The following LRCH2 variants were observed in gnomAD, a reference collection of about 807,000 sequenced individuals.
LRCH2 encodes leucine-rich repeat and calponin homology domain-containing protein 2.
Under a neutral mutation model 68.9 loss-of-function variants are expected in LRCH2, and 38 were observed. The ratio of observed to expected loss-of-function variants is 0.55; its 90% CI spans 0.43 to 0.72. The LOEUF (loss-of-function observed/expected upper bound fraction) is 0.72, where lower values mean the gene tolerates loss of function less well. Ranked by LOEUF, LRCH2 falls within the 30% of genes least tolerant of loss-of-function variation. The pLI is 0.00. For missense variants in LRCH2, 528 were observed against 572.9 expected (o/e 0.92, Z 0.80); for synonymous variants, 191 against 208.1 (o/e 0.92, Z 0.71).
intron 1 of LRCH2, among the ~76,000 whole-genome samples, chrX:115,218,057 C>T (rs1556572189): frequency 9.0e-6 from 1 of 111,393 alleles, no homozygotes; most frequent in Non-Finnish European, 1.9e-5. Flanking sequence ...ATATCCTTCG[C>T]TCAGTTTTTG....
intron 11 of LRCH2, among the ~76,000 whole-genome samples, chrX:115,157,153 A>G (rs782198594): frequency 2.7e-5 from 3 of 111,309 alleles, no homozygotes; most frequent in Non-Finnish European, 5.7e-5. Flanking sequence ...AAAACCATTC[A>G]AAGAAAACCA....
rs1260198525 is a variant in LRCH2, at chrX:115,110,994, C to T, written c.*2222G>A. ...CAAGTAATGAAAATCATTCTTAATT[C>T]AATAACTGATGAAATAGATAATAGC... is the stretch of plus-strand genomic sequence containing the variant. On this transcript the variant is annotated 3_prime_UTR_variant, in exon 21 of 21. Transcript: ENST00000317135. The T allele has an allele frequency of 9.0e-6, 1 of 111,443 alleles. No individual in the cohort carries two copies. Among genetic ancestry groups the T allele is most frequent in the Non-Finnish European group, 1.9e-5 (1 of 53,062 alleles). 9.2% of individuals were successfully genotyped at this position (111,443 alleles called of 1,213,427 possible).
chrX:115,229,709 A>G (rs782289977), intron 1 of LRCH2, among the ~76,000 whole-genome samples: 73 of 111,945 alleles, frequency 6.5e-4, no homozygotes, highest in Non-Finnish European at 1.2e-3. Flanking sequence ...ATATTTGAAT[A>G]AGGCCACAAA....
At chrX:115,173,685 G>A (rs782634852) in intron 5 of LRCH2, among the ~76,000 whole-genome samples, 1 of 111,090 alleles carries the variant, frequency 9.0e-6, no homozygotes. Flanking sequence ...GGTGTACAAC[G>A]TGATGCTTTG....
chrX:115,131,143 G>A (rs1369127453), intron 14 of LRCH2, among the ~76,000 whole-genome samples: 1 of 109,223 alleles, frequency 9.2e-6, no homozygotes, highest in African/African-American at 3.3e-5. Context: ...TAAGTTCTAG[G>A]GTACTTGTGT....
intron 11 of LRCH2, among the ~76,000 whole-genome samples, chrX:115,158,417 C>G (rs1208648748): frequency 8.9e-6 from 1 of 111,919 alleles, no homozygotes; most frequent in African/African-American, 3.2e-5. Flanking sequence ...TTAGTTATAA[C>G]AAGCTAGAGG....
At chrX:115,192,372 C>T (rs2072847466) in intron 1 of LRCH2, 28 of 1,159,041 alleles carry the variant, frequency 2.4e-5, no homozygotes, top group Non-Finnish European at 3.2e-5. Flanking sequence ...GCGACCGCTA[C>T]GGAGGAGGAG....
At chrX:115,140,808 C>A (rs2072330803) in intron 14 of LRCH2, among the ~76,000 whole-genome samples, 1 of 109,915 alleles carries the variant, frequency 9.1e-6, no homozygotes. Flanking sequence ...GGTGTGAGTG[C>A]CATCTTGGCC....
chrX:115,213,879 G>T (rs1441504684), intron 1 of LRCH2, among the ~76,000 whole-genome samples: 1 of 111,529 alleles, frequency 9.0e-6, no homozygotes, highest in Non-Finnish European at 1.9e-5. Flanking sequence ...TAAATATTCT[G>T]CAACAACCTA....
chrX:115,133,803 A>C (rs1267019499), intron 14 of LRCH2, among the ~76,000 whole-genome samples: 1 of 111,604 alleles, frequency 9.0e-6, no homozygotes, highest in Non-Finnish European at 1.9e-5. Context: ...CTGACACACA[A>C]TAATATTGTA....
chrX:115,126,883 T>A lies in LRCH2; in HGVS notation c.1751A>T (p.Asp584Val). ...AGATTGTGTTGACATATTAGCATTA[T>A]CACTGTCTTGCTAAAACATAAAAAT... ...SGNENDEQDS[D>V]NANMSTQSPV... The change falls in exon 16 of 21, where the codon GAT becomes GTT. Residue 584 changes from aspartate to valine, a missense_variant. Physicochemically the swap from Asp to Val is radical, Grantham distance 152 (BLOSUM62 -3). Transcript: ENST00000317135. 9.5e-7 allele frequency: 1 copy of A among 1,054,007 alleles called. No homozygotes were observed. The highest frequency in any genetic ancestry group is 1.2e-6 in the Non-Finnish European group (1 of 800,419). 86.9% of individuals were successfully genotyped at this position (1,054,007 alleles called of 1,213,427 possible). A position where few individuals can be genotyped will look rare whatever the true frequency, so the allele number is the denominator to read the frequency against.
At chrX:115,188,543 T>TCATACGG (rs1258998812) in intron 1 of LRCH2, among the ~76,000 whole-genome samples, 173 bp from the exon 2 acceptor site, 5 of 112,392 alleles carry the variant, frequency 4.4e-5, no homozygotes, top group African/African-American at 1.6e-4. Context: ...AGAAATACAC[T>TCATACGG]CATACGGCTG....
intron 1 of LRCH2, among the ~76,000 whole-genome samples, chrX:115,221,949 A>G (rs782715391): frequency 1.3e-3 from 148 of 110,318 alleles, no homozygotes; most frequent in African/African-American, 4.3e-3. Context: ...AAAAAAAAAA[A>G]AAAAGAAAAA....
Position 115,130,161 on chromosome X carries a change from AT to A in LRCH2, c.1733del (p.Asn578MetfsTer35). The A allele has an allele frequency of 9.7e-7, 1 of 1,031,405 alleles. No individual in the cohort carries two copies. Among genetic ancestry groups the A allele is most frequent in the Non-Finnish European group, 1.3e-6 (1 of 756,679 alleles). The allele number at this position is 1,031,405 out of a possible 1,213,427, so 85.0% of individuals were successfully genotyped here. A position where few individuals can be genotyped will look rare whatever the true frequency, so the allele number is the denominator to read the frequency against. ...TAATATTATCTTTTCTCACCTCATC[AT>A]TTTCATTGCCACTTGAACTCTTCCT... ...SMRKSSSGNE[N>X]DEQDSDNANM... On this transcript the variant is annotated frameshift_variant, in exon 15 of 21. Coordinates refer to ENST00000317135, the MANE Select transcript of LRCH2 (RefSeq NM_020871.4). LOFTEE classifies it high-confidence loss of function.
In LRCH2 at chrX:115,165,670, A is replaced by G. The variant is rs370748508; in HGVS notation, c.1199-15T>C. On this transcript the variant is annotated splice_polypyrimidine_tract_variant and intron_variant, in intron 8 of 20. Transcript: ENST00000317135. ...TACCTCCTGGTCTAGGTACAGATTAATATTTATTAGAAAATGTACATAGTA... is the reference window on the plus strand; with the variant it reads ...TACCTCCTGGTCTAGGTACAGATTAGTATTTATTAGAAAATGTACATAGTA... 720 of 1,070,343 alleles carry G rather than the reference A, an allele frequency of 6.7e-4. 3 individuals carry two copies. The highest frequency in any genetic ancestry group is 8.6e-4 in the Non-Finnish European group (682 of 794,457). The allele number at this position is 1,070,343 out of a possible 1,213,427, so 88.2% of individuals were successfully genotyped here.
At chrX:115,142,666 C>T (rs1302754966) in intron 14 of LRCH2, among the ~76,000 whole-genome samples, 1 of 111,829 alleles carries the variant, frequency 8.9e-6, no homozygotes, top group African/African-American at 3.2e-5. Flanking sequence ...CTATGGGATA[C>T]AGCAAAAACA....
chrX:115,170,869 G>C (rs2072599729), intron 5 of LRCH2, among the ~76,000 whole-genome samples: 1 of 111,352 alleles, frequency 9.0e-6, no homozygotes, highest in Non-Finnish European at 1.9e-5. Context: ...CCTGGAGAAG[G>C]CTAACATAAA....
chrX:115,132,847 A>C (rs1383515075), intron 14 of LRCH2, among the ~76,000 whole-genome samples: 2 of 112,153 alleles, frequency 1.8e-5, no homozygotes, highest in Non-Finnish European at 3.8e-5. Flanking sequence ...GCTAATATTT[A>C]CTAAGTGGTT....
chrX:115,226,488 G>A (rs1005022583), intron 1 of LRCH2, among the ~76,000 whole-genome samples: 2 of 111,279 alleles, frequency 1.8e-5, no homozygotes, highest in Non-Finnish European at 3.8e-5. Flanking sequence ...CTACAGTGTG[G>A]AGGACTAACT....
Sources: gnomAD v4.1 joint callset for allele counts (sites outside exome capture counted in the v4.1 genomes callset) on GRCh38, gnomAD v4.1.1 for gene constraint, MANE v1.5 for transcripts, NCBI Gene and HGNC (gene_info 2026-07-23, HGNC 2026-07-21) for gene names.